The following TOP2B variants were observed in gnomAD, a reference collection of about 807,000 sequenced individuals.
TOP2B encodes the protein DNA topoisomerase 2-beta.
In TOP2B, 51 loss-of-function variants were observed where a neutral mutation model predicts 193.5. The ratio of observed to expected loss-of-function variants is 0.26; its 90% CI spans 0.21 to 0.33. The LOEUF is 0.33. TOP2B is among the 10% of genes least tolerant of loss of function. The pLI, the probability that TOP2B is intolerant of heterozygous loss-of-function variation, is 1.00. For synonymous variants in TOP2B, 634 were observed against 635.7 expected, an observed-to-expected ratio of 1.00 and a Z score of 0.04; for missense variants, 1,378 against 1,909.3, an observed-to-expected ratio of 0.72 and a Z score of 5.19.
In TOP2B at chr3:25,620,705, G is replaced by A; in HGVS notation, c.2839C>T (p.Leu947Phe). 1 of 1,612,708 alleles carries A rather than the reference G, an allele frequency of 6.2e-7. No individual in the cohort carries two copies. Among genetic ancestry groups the A allele is most frequent in the Non-Finnish European group, 8.5e-7 (1 of 1,179,268 alleles). The change falls in exon 22 of 36, where the codon CTT becomes TTT. Residue 947 changes from leucine (L) to phenylalanine (F), a missense_variant. Coordinates refer to ENST00000264331, the MANE Select transcript of TOP2B (RefSeq NM_001330700.2). Reference sequence around the variant, plus strand: ...ACCTGTGTCCAAGTTCTAACTGGAAGCTCTGTAATTTCTACTGTGTTTCTG... The same window carrying A: ...ACCTGTGTCCAAGTTCTAACTGGAAACTCTGTAATTTCTACTGTGTTTCTG... ...VDRNTVEITE[L>F]PVRTWTQVYK... is the part of the protein sequence containing the mutation.
At chr3:25,618,593 T>C (rs1304244697) in intron 24 of TOP2B, 61 bp downstream of exon 24, 1 of 1,521,900 alleles carries the variant, frequency 6.6e-7, no homozygotes, top group Non-Finnish European at 8.8e-7. Context: ...AAATGTCTTC[T>C]ATTAATAAAG....
intron 18 of TOP2B, 67 bp from the exon 19 acceptor site, chr3:25,624,870 A>C: frequency 6.7e-7 from 1 of 1,493,628 alleles, no homozygotes; most frequent in Non-Finnish European, 9.0e-7. Context: ...AGGGGAATAA[A>C]GCAAAGATAC....
In TOP2B at chr3:25,620,059, A is replaced by G; in HGVS notation, c.2866T>C (p.Tyr956His). 1 of 1,476,482 alleles carries G rather than the reference A, an allele frequency of 6.8e-7. No individual in the cohort carries two copies. The highest frequency in any genetic ancestry group is 9.1e-7 in the Non-Finnish European group (1 of 1,095,280). 91.5% of individuals were successfully genotyped at this position (1,476,482 alleles called of 1,614,324 possible). Residue 956 changes from tyrosine to histidine, a missense_variant, in exon 23 of 36, where the codon TAT becomes CAT. Tyr to His is a moderately conservative substitution (Grantham distance 83). Transcript: ENST00000264331. Reference sequence around the variant, plus strand: ...ATAGGTTCTAAAACCTGTTCTTTATATACCTATAAAGATTTAAAAATTAGT... The same window carrying G: ...ATAGGTTCTAAAACCTGTTCTTTATGTACCTATAAAGATTTAAAAATTAGT... ...ELPVRTWTQV[Y>H]KEQVLEPMLN...
chr3:25,610,646 C>T (rs1702347209), intron 28 of TOP2B, among the ~76,000 whole-genome samples: 1 of 152,176 alleles, frequency 6.6e-6, no homozygotes, highest in Admixed American at 6.5e-5. Context: ...CATACAGGTG[C>T]TAACACTGTA....
At chr3:25,608,065 G>A (rs1032037289) in intron 30 of TOP2B, among the ~76,000 whole-genome samples, 3 of 152,148 alleles carry the variant, frequency 2.0e-5, no homozygotes, top group Non-Finnish European at 2.9e-5. Flanking sequence ...GATTACAGGC[G>A]TGAGCCACTG....
chr3:25,601,074 A>C, intron 34 of TOP2B, 26 bp downstream of exon 34: 1 of 1,607,546 alleles, frequency 6.2e-7, no homozygotes, highest in Non-Finnish European at 8.5e-7. Flanking sequence ...CATATGTTTA[A>C]AGGGTTATAA....
At position 25,648,721 on chromosome 3, in the gene TOP2B, G is replaced by T. The variant is rs531023212; in HGVS notation, c.70-3251C>A. Among the ~76,000 whole-genome samples the T allele has an allele frequency of 2.6e-5, 4 of 152,208 alleles. No homozygotes were observed. In the East Asian group the frequency reaches 7.7e-4, roughly 29 times the overall value. On this transcript the variant is annotated intron_variant, in intron 1 of 35. Transcript: ENST00000264331. ...AACAAAACAAAAAAAAATTAGCCAG[G>T]TGTGGTAGTGCACACTTGTAGTCCC...
chr3:25,618,244 C>T, intron 25 of TOP2B, 174 bp downstream of exon 25: 1 of 582,042 alleles, frequency 1.7e-6, no homozygotes, highest in South Asian at 2.3e-5. Context: ...TGGGTGTGTA[C>T]TATAAATTCC....
intron 35 of TOP2B, 133 bp from the exon 36 acceptor site, chr3:25,598,610 A>ATGCTAACCTAAGTGTAAG (rs1220122497): frequency 3.1e-6 from 2 of 649,282 alleles, no homozygotes; most frequent in Non-Finnish European, 4.7e-6. Flanking sequence ...TAGAATCATA[A>ATGCTAACCTAAGTGTAAG]TGCTAACCTA....
At position 25,630,360 on chromosome 3, in the gene TOP2B, A is replaced by G. The variant is rs1205760426; in HGVS notation, c.1515T>C (p.Phe505=). 1.9e-5 allele frequency: 29 copies of G among 1,551,700 alleles called. No homozygotes were observed. The highest frequency in any genetic ancestry group is 2.4e-5 in the Non-Finnish European group (28 of 1,146,842). Residue 505 remains phenylalanine (F), a synonymous_variant, in exon 12 of 36, where the codon TTT becomes TTC. Coordinates refer to ENST00000264331, the MANE Select transcript of TOP2B (RefSeq NM_001330700.2). ...CATTAAGAATTTTGCCCCTGAGTGGAAAAACTCCGTATCTGTCTCGTCCAA... is the reference window on the plus strand; with the variant it reads ...CATTAAGAATTTTGCCCCTGAGTGGGAAAACTCCGTATCTGTCTCGTCCAA... ...GVIGRDRYGV[F]PLRGKILNVR...
At chr3:25,638,449 T>C (rs866195517) in intron 4 of TOP2B, 139 bp from the exon 5 acceptor site, 3 of 1,091,032 alleles carry the variant, frequency 2.7e-6, no homozygotes, top group Non-Finnish European at 3.6e-6. Flanking sequence ...TCATTATCAA[T>C]TGGAAGGCAC....
intron 4 of TOP2B, among the ~76,000 whole-genome samples, chr3:25,641,680 T>A (rs1197169348): frequency 6.6e-6 from 1 of 152,138 alleles, no homozygotes; most frequent in African/African-American, 2.4e-5. Flanking sequence ...CTAGTAAGAC[T>A]ATACCTGAAT....
chr3:25,650,200 C>A (rs948633679), intron 1 of TOP2B, among the ~76,000 whole-genome samples: 1 of 152,202 alleles, frequency 6.6e-6, no homozygotes, highest in African/African-American at 2.4e-5. Context: ...GAGAAAGACT[C>A]TGGTGAAGCT....
Position 25,630,451 on chromosome 3 carries a change from T to G in TOP2B, c.1424A>C (p.Glu475Ala). The change falls in exon 12 of 36, where the codon GAG becomes GCG. Residue 475 changes from glutamate to alanine, a missense_variant. Coordinates refer to ENST00000264331, the MANE Select transcript of TOP2B (RefSeq NM_001330700.2). Reference sequence around the variant, plus strand: ...TCCCTCTGTTAATATCAGTGTACACTCCAGGGAATGTTTACCACCTGAGAG... The same window carrying G: ...TCCCTCTGTTAATATCAGTGTACACGCCAGGGAATGTTTACCACCTGAGAG... ...ANDAGGKHSL[E>A]CTLILTEGDS... The G allele has an allele frequency of 6.5e-7, 1 of 1,544,972 alleles. No individual in the cohort carries two copies. Among genetic ancestry groups the G allele is most frequent in the Non-Finnish European group, 8.7e-7 (1 of 1,144,292 alleles).
At chr3:25,605,630 G>A (rs983137940) in intron 32 of TOP2B, among the ~76,000 whole-genome samples, 6 of 151,996 alleles carry the variant, frequency 3.9e-5, no homozygotes, top group Non-Finnish European at 7.4e-5. Context: ...TTCTTATGAC[G>A]GTTTTAATCT....
chr3:25,601,334 C>T (rs1702089488), intron 33 of TOP2B, 109 bp from the exon 34 acceptor site: 1 of 1,364,232 alleles, frequency 7.3e-7, no homozygotes, highest in African/African-American at 1.5e-5. Flanking sequence ...ACTGAGTTGC[C>T]TGGCTGGGCG....
intron 16 of TOP2B, 35 bp downstream of exon 16, chr3:25,627,152 G>T: frequency 6.9e-7 from 1 of 1,443,102 alleles, no homozygotes; most frequent in South Asian, 1.2e-5. Context: ...TAGGGGGATG[G>T]CTAACAAAAG....
At chr3:25,641,744 A>G (rs1703270082) in intron 4 of TOP2B, among the ~76,000 whole-genome samples, 1 of 152,158 alleles carries the variant, frequency 6.6e-6, no homozygotes, top group African/African-American at 2.4e-5. Context: ...CTAAATTACT[A>G]ATGAAATTAC....
intron 3 of TOP2B, among the ~76,000 whole-genome samples, chr3:25,643,468 A>G (rs1416519019): frequency 6.6e-6 from 1 of 152,230 alleles, no homozygotes; most frequent in Admixed American, 6.5e-5. Context: ...GATTACAAAT[A>G]TAACACATTG....
Sources: gnomAD v4.1 joint callset for allele counts (sites outside exome capture counted in the v4.1 genomes callset) on GRCh38, gnomAD v4.1.1 for gene constraint, MANE v1.5 for transcripts, NCBI Gene and HGNC (gene_info 2026-07-23, HGNC 2026-07-21) for gene names.